Variants in ADRA1B observed in about 807,000 individuals in gnomAD.
ADRA1B encodes alpha-1B adrenergic receptor.
ADRA1B carries 17 observed loss-of-function variants against 17.9 expected under a neutral mutation model. The observed-to-expected ratio is 0.95, with a 90% CI of 0.65 to 1.42. The LOEUF is 1.42. Ranked by LOEUF, ADRA1B falls within the 40% of genes most tolerant of loss-of-function variation. The probability of loss-of-function intolerance (pLI) is 0.00; values close to 1 mark genes in which losing one functional copy is unlikely to be tolerated. For synonymous variants in ADRA1B, 366 were observed against 327.6 expected (o/e 1.12, Z -1.27); for missense variants, 681 against 722.1 (o/e 0.94, Z 0.65).
At chr5:159,924,363 A>AT (rs993420456) in intron 1 of ADRA1B, among the ~76,000 whole-genome samples, 3 of 152,080 alleles carry the variant, frequency 2.0e-5, no homozygotes, top group Non-Finnish European at 4.4e-5. Context: ...CCTTTCAGAA[A>AT]TTTTTTTCAA....
At chr5:159,939,316 T>TGCGCGCGC (rs1432415323) in intron 1 of ADRA1B, among the ~76,000 whole-genome samples, 9 of 119,582 alleles carry the variant, frequency 7.5e-5, no homozygotes, top group East Asian at 5.0e-4. Flanking sequence ...TGTGTGTGTG[T>TGCGCGCGC]GTGTGTGCGC....
Position 159,917,411 on chromosome 5 carries a change from T to C in ADRA1B, c.506T>C (p.Val169Ala). The stretch of plus-strand genomic sequence containing the variant: ...AAGGCCATCTTGGCGCTGCTCAGTG[T>C]CTGGGTCTTGTCCACCGTCATCTCC... ...RRKAILALLS[V>A]WVLSTVISIG... Residue 169 changes from valine (V) to alanine (A), a missense_variant, in exon 1 of 2, where the codon GTC (valine) becomes GCC (alanine). Physicochemically the swap from Val to Ala is moderately conservative, Grantham distance 64 (BLOSUM62 0). Transcript: ENST00000306675. 6.2e-7 allele frequency: 1 copy of C among 1,614,082 alleles called. No individual in the cohort carries two copies. The highest frequency in any genetic ancestry group is 8.5e-7 in the Non-Finnish European group (1 of 1,180,016).
the ADRA1B span, among the ~76,000 whole-genome samples, chr5:159,986,445 G>A: frequency 6.6e-6 from 1 of 152,220 alleles, no homozygotes; most frequent in Non-Finnish European, 1.5e-5. Context: ...TGCACCCTCT[G>A]ACTTGTGAGA....
the ADRA1B span, among the ~76,000 whole-genome samples, chr5:159,982,980 C>T: frequency 5.3e-5 from 8 of 152,200 alleles, no homozygotes; most frequent in Middle Eastern, 3.2e-3. Flanking sequence ...ACATGCAGGA[C>T]GTGGCTCTGA....
At chr5:159,885,518 A>G (rs968353488) in intron 1 of ADRA1B, among the ~76,000 whole-genome samples, 1 of 152,222 alleles carries the variant, frequency 6.6e-6, no homozygotes, top group Admixed American at 6.5e-5. Context: ...AAGAGACATC[A>G]TTCTTCTTCC....
intron 1 of ADRA1B, among the ~76,000 whole-genome samples, chr5:159,873,937 C>T (rs1753776378): frequency 6.6e-6 from 1 of 152,132 alleles, no homozygotes; most frequent in South Asian, 2.1e-4. Flanking sequence ...GGAAGTACAA[C>T]CATCAGCTTT....
chr5:159,893,307 G>A (rs550651956), intron 1 of ADRA1B, among the ~76,000 whole-genome samples: 50 of 152,394 alleles, frequency 3.3e-4, no homozygotes, highest in African/African-American at 1.1e-3. Context: ...AGTTGGATGA[G>A]TTACTTCACC....
intron 1 of ADRA1B, chr5:159,868,555 T>C (rs567436627): frequency 1.4e-4 from 21 of 152,368 alleles, no homozygotes; most frequent in African/African-American, 4.8e-4. Flanking sequence ...CTACCAGTTA[T>C]GGTGAGAAAC....
chr5:159,965,416 C>T (rs1456035650), intron 1 of ADRA1B, among the ~76,000 whole-genome samples: 1 of 152,156 alleles, frequency 6.6e-6, no homozygotes, highest in Non-Finnish European at 1.5e-5. Flanking sequence ...CACAGAGTGT[C>T]CAGGCCTTCC....
chr5:159,942,614 C>A (rs890333380), intron 1 of ADRA1B, among the ~76,000 whole-genome samples: 6 of 152,186 alleles, frequency 3.9e-5, no homozygotes, highest in Non-Finnish European at 8.8e-5. Context: ...AGTTCCAGAG[C>A]AGCCTGGGCA....
At chr5:159,904,109 A>G (rs1009347483) in intron 1 of ADRA1B, among the ~76,000 whole-genome samples, 2 of 152,236 alleles carry the variant, frequency 1.3e-5, no homozygotes, top group African/African-American at 4.8e-5. Flanking sequence ...TGCAATGAGC[A>G]CAATTTACCT....
At chr5:159,947,889 A>G (rs1755321045) in intron 1 of ADRA1B, 1 of 985,344 alleles carries the variant, frequency 1.0e-6, no homozygotes, top group African/African-American at 1.7e-5. Flanking sequence ...CCACGTTAAC[A>G]TCTCTGGGAG....
chr5:159,957,466 C>T (rs1452868745), intron 1 of ADRA1B, among the ~76,000 whole-genome samples: 2 of 147,206 alleles, frequency 1.4e-5, no homozygotes, highest in Non-Finnish European at 3.0e-5. Flanking sequence ...GATCATGCAA[C>T]TGCGCTCCAA....
chr5:159,962,198 A>G (rs1478920191), intron 1 of ADRA1B, among the ~76,000 whole-genome samples: 1 of 152,164 alleles, frequency 6.6e-6, no homozygotes, highest in Non-Finnish European at 1.5e-5. Flanking sequence ...ACCCTGTCTC[A>G]AAGAAAAAAG....
intron 1 of ADRA1B, among the ~76,000 whole-genome samples, chr5:159,927,744 G>A (rs922520239): frequency 6.6e-6 from 1 of 152,036 alleles, no homozygotes; most frequent in African/African-American, 2.4e-5. Flanking sequence ...TTAAAACCTG[G>A]AATAAGGGTG....
chr5:159,951,433 AG>A (rs1360430888), intron 1 of ADRA1B: 2 of 763,426 alleles, frequency 2.6e-6, no homozygotes, highest in East Asian at 5.0e-5. Context: ...TAGAGTTAAA[AG>A]CTGCCCTGGT....
At chr5:159,950,633 T>C in intron 1 of ADRA1B, 1 of 832,014 alleles carries the variant, frequency 1.2e-6, no homozygotes, top group African/African-American at 1.7e-5. Flanking sequence ...GAGGAGTGGG[T>C]GTCTCTGTTG....
chr5:159,941,508 C>T (rs529537253), intron 1 of ADRA1B, among the ~76,000 whole-genome samples: 45 of 152,326 alleles, frequency 3.0e-4, no homozygotes, highest in African/African-American at 1.1e-3. Context: ...CCTAATGACC[C>T]AGCAGTCCGA....
chr5:159,939,237 G>C (rs1413062266), intron 1 of ADRA1B, among the ~76,000 whole-genome samples: 1 of 144,466 alleles, frequency 6.9e-6, no homozygotes, highest in South Asian at 2.3e-4. Flanking sequence ...ATTCTCAGAG[G>C]CTCCTTTCTT....
Sources: gnomAD v4.1 joint callset for allele counts (sites outside exome capture counted in the v4.1 genomes callset) on GRCh38, gnomAD v4.1.1 for gene constraint, MANE v1.5 for transcripts, NCBI Gene and HGNC (gene_info 2026-07-23, HGNC 2026-07-21) for gene names.